The following ARHGAP29 variants were observed in gnomAD, a reference collection of about 807,000 sequenced individuals.
ARHGAP29 encodes the protein rho GTPase-activating protein 29.
In ARHGAP29, 43 loss-of-function variants were observed where a neutral mutation model predicts 122.6. The ratio of observed to expected loss-of-function variants is 0.35; its 90% CI spans 0.27 to 0.45. ARHGAP29 has a LOEUF of 0.45. Among genes scored for constraint, ARHGAP29 ranks in the 20% least tolerant of loss-of-function variants. The probability of loss-of-function intolerance (pLI) is 1.00; values close to 1 mark genes in which losing one functional copy is unlikely to be tolerated. For missense variants in ARHGAP29, 1,303 were observed against 1,477.2 expected (o/e 0.88, Z 1.93); for synonymous variants, 506 against 497.1 (o/e 1.02, Z -0.24).
chr1:94,194,031 T>G (rs1650290233), intron 12 of ARHGAP29: 1 of 152,216 alleles, frequency 6.6e-6, no homozygotes, highest in Non-Finnish European at 1.5e-5. Flanking sequence ...GTGGTGATGC[T>G]TCTGTGTTCC....
intron 12 of ARHGAP29, among the ~76,000 whole-genome samples, chr1:94,200,795 T>C (rs1183800107): frequency 6.6e-6 from 1 of 152,216 alleles, no homozygotes; most frequent in East Asian, 1.9e-4. Flanking sequence ...TTATATACTA[T>C]ATGATTTCAC....
At chr1:94,247,723 ACAGCGG>A in intron 1 of ARHGAP29, 1 of 718,780 alleles carries the variant, frequency 1.4e-6, no homozygotes, top group African/African-American at 1.9e-5. Context: ...CACCACCACC[ACAGCGG>A]CCGCCGCCTT....
At chr1:94,262,107 C>CA (rs1319855258) in intron 1 of ARHGAP29, among the ~76,000 whole-genome samples, 18 of 152,288 alleles carry the variant, frequency 1.2e-4, no homozygotes, top group African/African-American at 4.3e-4. Context: ...CACACACCTA[C>CA]AACCATCTGA....
intron 1 of ARHGAP29, among the ~76,000 whole-genome samples, chr1:94,267,725 A>C (rs942114057): frequency 5.9e-5 from 9 of 152,180 alleles, no homozygotes; most frequent in African/African-American, 1.9e-4. Context: ...CTGTGTGATC[A>C]TGGGTAAATT....
At chr1:94,250,112 T>C (rs1007880433) in intron 1 of ARHGAP29, among the ~76,000 whole-genome samples, 2 of 152,136 alleles carry the variant, frequency 1.3e-5, no homozygotes, top group African/African-American at 4.8e-5. Flanking sequence ...AGATATCCTG[T>C]TCCCTGAGGT....
At chr1:94,198,209 C>T (rs1417487405) in intron 12 of ARHGAP29, among the ~76,000 whole-genome samples, 1 of 152,168 alleles carries the variant, frequency 6.6e-6, no homozygotes, top group Non-Finnish European at 1.5e-5. Flanking sequence ...GCCACGGTGG[C>T]TCACACCTGT....
At chr1:94,300,138 C>T in the ARHGAP29 span, among the ~76,000 whole-genome samples, 8 of 152,180 alleles carry the variant, frequency 5.3e-5, no homozygotes, top group Non-Finnish European at 2.9e-5. Flanking sequence ...TTGCTGAGAG[C>T]TGGGCTGGAG....
At chr1:94,186,442 A>C (rs1243908570) in intron 16 of ARHGAP29, 57 bp downstream of exon 16, 14 of 1,195,892 alleles carry the variant, frequency 1.2e-5, no homozygotes, top group Non-Finnish European at 1.6e-5. Context: ...ATCTAATATC[A>C]TGCAGTGCTA....
At chr1:94,296,447 T>C in the ARHGAP29 span, among the ~76,000 whole-genome samples, 1 of 152,246 alleles carries the variant, frequency 6.6e-6, no homozygotes, top group Non-Finnish European at 1.5e-5. Flanking sequence ...GTGCCTAATT[T>C]ATAAGTTAAA....
chr1:94,289,147 T>C, the ARHGAP29 span, among the ~76,000 whole-genome samples: 1 of 152,208 alleles, frequency 6.6e-6, no homozygotes, highest in Admixed American at 6.5e-5. Flanking sequence ...CATTTGTTTG[T>C]GTCCTCTTTC....
chr1:94,194,368 A>G (rs367886469), intron 12 of ARHGAP29: 5 of 152,170 alleles, frequency 3.3e-5, no homozygotes, highest in African/African-American at 1.2e-4. Context: ...TCTTAATGAC[A>G]CAATATCCAT....
At chr1:94,187,237 T>C (rs559549840) in intron 15 of ARHGAP29, among the ~76,000 whole-genome samples, 1 of 152,178 alleles carries the variant, frequency 6.6e-6, no homozygotes, top group Non-Finnish European at 1.5e-5. Flanking sequence ...ATTTACTCCC[T>C]CTGCACAGGC....
At chr1:94,247,559 A>C (rs1235529745) in intron 1 of ARHGAP29, among the ~76,000 whole-genome samples, 8 of 149,552 alleles carry the variant, frequency 5.3e-5, no homozygotes, top group Non-Finnish European at 1.0e-4. Flanking sequence ...ACCTCCTCAC[A>C]CTCACCACGG....
chr1:94,243,529 G>T (rs895437999), intron 1 of ARHGAP29, among the ~76,000 whole-genome samples: 2 of 152,102 alleles, frequency 1.3e-5, no homozygotes, highest in Admixed American at 6.5e-5. Context: ...AAAATGTGGA[G>T]ATTACAAAGT....
At chr1:94,196,996 C>T (rs1009507676) in intron 12 of ARHGAP29, among the ~76,000 whole-genome samples, 1 of 151,470 alleles carries the variant, frequency 6.6e-6, no homozygotes, top group Non-Finnish European at 1.5e-5. Flanking sequence ...GCAAAATAAA[C>T]CCAAAGAAAG....
At chr1:94,239,437 G>A (rs1260543839), upstream of ARHGAP29, among the ~76,000 whole-genome samples, 1 of 152,114 alleles carries the variant, frequency 6.6e-6, no homozygotes. Context: ...TCCTGATGGA[G>A]AGAGAGGGTG....
intron 10 of ARHGAP29, 72 bp from the exon 11 acceptor site, chr1:94,202,804 G>A: frequency 6.4e-7 from 1 of 1,556,614 alleles, no homozygotes. Flanking sequence ...AGCATATTCA[G>A]CAAGATAGTT....
At position 94,190,083 on chromosome 1, in the gene ARHGAP29, C is replaced by T; in HGVS notation, c.1282G>A (p.Val428Ile). The change falls in exon 13 of 23, where the codon GTA (valine) becomes ATA (isoleucine). Residue 428 changes from valine to isoleucine, a missense_variant and splice_region_variant. Physicochemically the swap from Val to Ile is conservative, Grantham distance 29 (BLOSUM62 3). Transcript: ENST00000260526. ...VFQCDLTLKA[V>I]TVNLFHMQHL... ...TGCATGTGGAAGAGGTTAACTGTTA[C>T]CTATGGACCCAGAGACAAAAGGCAG... The T allele has an allele frequency of 6.2e-7, 1 of 1,612,218 alleles. No homozygotes were observed. The highest frequency in any genetic ancestry group is 1.1e-5 in the South Asian group (1 of 90,866).
At chr1:94,273,600 C>T (rs1655076089) in intron 1 of ARHGAP29, among the ~76,000 whole-genome samples, 1 of 152,144 alleles carries the variant, frequency 6.6e-6, no homozygotes, top group Non-Finnish European at 1.5e-5. Context: ...GATAGATAGA[C>T]AATTAGGGGA....
Sources: allele counts gnomAD v4.1 joint callset (sites outside exome capture counted in the v4.1 genomes callset), GRCh38; gene constraint gnomAD v4.1.1; transcripts MANE v1.5; gene names NCBI Gene and HGNC (gene_info 2026-07-23, HGNC 2026-07-21).